BCL2: variants seen among roughly 807,000 people sequenced by gnomAD.
The protein encoded by BCL2 is apoptosis regulator Bcl-2.
BCL2 carries 1 observed loss-of-function variant against 14.2 expected under a neutral mutation model. The ratio of observed to expected loss-of-function variants is 0.07; its 90% confidence interval spans 0.02 to 0.33. BCL2 has a LOEUF of 0.33. Among genes scored for constraint, BCL2 ranks in the 10% least tolerant of loss-of-function variants. The pLI, the probability that BCL2 is intolerant of heterozygous loss-of-function variation, is 0.99. For missense variants in BCL2, 247 were observed against 305.9 expected (o/e 0.81, Z 1.44); for synonymous variants, 151 against 137.2 (o/e 1.10, Z -0.70).
intron 2 of BCL2, among the ~76,000 whole-genome samples, chr18:63,143,995 A>G (rs1418381475): frequency 6.6e-6 from 1 of 152,216 alleles, no homozygotes; most frequent in African/African-American, 2.4e-5. Flanking sequence ...GATGACTCAG[A>G]GATATGCACA....
chr18:63,226,430 G>C (rs1421271749), intron 2 of BCL2, among the ~76,000 whole-genome samples: 1 of 152,128 alleles, frequency 6.6e-6, no homozygotes, highest in African/African-American at 2.4e-5. Context: ...CCTGTCTCCT[G>C]TCCCTATCAG....
chr18:63,146,210 G>A (rs1252656827), intron 2 of BCL2, among the ~76,000 whole-genome samples: 1 of 152,208 alleles, frequency 6.6e-6, no homozygotes, highest in East Asian at 1.9e-4. Context: ...TTTCCTGGAA[G>A]ACACTAATTC....
At chr18:63,302,675 T>C (rs952413443) in intron 2 of BCL2, 1 of 984,774 alleles carries the variant, frequency 1.0e-6, no homozygotes, top group Non-Finnish European at 1.2e-6. Context: ...ATATGTTTCA[T>C]AACACAAGAG....
intron 2 of BCL2, among the ~76,000 whole-genome samples, chr18:63,254,678 A>G (rs1490691039): frequency 6.6e-6 from 1 of 152,224 alleles, no homozygotes; most frequent in Non-Finnish European, 1.5e-5. Context: ...TGTGTTATAA[A>G]TTAATACACG....
At chr18:63,239,140 T>C (rs1391224643) in intron 2 of BCL2, among the ~76,000 whole-genome samples, 3 of 152,252 alleles carry the variant, frequency 2.0e-5, no homozygotes, top group South Asian at 2.1e-4. Flanking sequence ...CCAAATATTA[T>C]GCTTTCGGCT....
chr18:63,218,701 A>C, intron 2 of BCL2, among the ~76,000 whole-genome samples: 2 of 6,252 alleles, frequency 3.2e-4, no homozygotes, highest in Non-Finnish European at 3.1e-4. Context: ...CCCATTCTCC[A>C]CTCATCCCCA....
intron 2 of BCL2, among the ~76,000 whole-genome samples, chr18:63,221,131 C>T (rs1268846899): frequency 1.3e-5 from 2 of 152,204 alleles, no homozygotes; most frequent in Non-Finnish European, 2.9e-5. Flanking sequence ...TTTCCACTAA[C>T]TGGCCACGTG....
Position 63,155,891 on chromosome 18 carries a change from G to A in BCL2, c.586-27132C>T, listed in dbSNP as rs567570804. Among the ~76,000 whole-genome samples the A allele has an allele frequency of 1.5e-4, 23 of 152,204 alleles. No homozygotes were observed. In the South Asian group the frequency reaches 4.8e-3, roughly 32 times the overall value. On this transcript the variant is annotated intron_variant, in intron 2 of 2. Transcript: ENST00000333681. Reference sequence around the variant, plus strand: ...ACTCATGTTCTCCTTGGAGGTTAGAGGCCCATCCTCCCTCTCCCAGGACCC... The same window carrying A: ...ACTCATGTTCTCCTTGGAGGTTAGAAGCCCATCCTCCCTCTCCCAGGACCC...
intron 2 of BCL2, among the ~76,000 whole-genome samples, chr18:63,207,290 T>C (rs1909863915): frequency 6.6e-6 from 1 of 152,166 alleles, no homozygotes; most frequent in Non-Finnish European, 1.5e-5. Context: ...AATTCATTTG[T>C]GTACAGATCC....
rs2144579369 is a variant in BCL2, at chr18:63,123,731, A to C, written c.*4894T>G. On this transcript the variant is annotated 3_prime_UTR_variant, in exon 3 of 3. Transcript: ENST00000333681. The stretch of plus-strand genomic sequence containing the variant: ...GAAAACTTAAGAAGGTATAATAAAC[A>C]AAACCACCAAAAGAAAGCTTCCCCA... The C allele has an allele frequency of 4.6e-6, 1 of 216,012 alleles. No individual in the cohort carries two copies. The highest frequency in any genetic ancestry group is 6.8e-5 in the East Asian group (1 of 14,636). The allele number at this position is 216,012 out of a possible 1,614,324, so 13.4% of individuals were successfully genotyped here.
chr18:63,153,792 C>A (rs1184163465), intron 2 of BCL2, among the ~76,000 whole-genome samples: 4 of 152,186 alleles, frequency 2.6e-5, no homozygotes, highest in African/African-American at 9.7e-5. Context: ...GAATTCTCTA[C>A]ACAGACCTGG....
At chr18:63,251,513 C>T (rs4987749) in intron 2 of BCL2, among the ~76,000 whole-genome samples, 16,702 of 150,390 alleles carry the variant, frequency 0.11, 1,514 homozygotes, top group African/African-American at 0.24. Context: ...GGCGTGGTGG[C>T]GGGCGCCTGT....
intron 2 of BCL2, among the ~76,000 whole-genome samples, chr18:63,136,583 GA>G (rs538712829): frequency 1.3e-5 from 2 of 152,190 alleles, no homozygotes; most frequent in Admixed American, 6.5e-5. Flanking sequence ...GGAAGGGAGA[GA>G]AAAAAAGGAA....
intron 2 of BCL2, among the ~76,000 whole-genome samples, chr18:63,179,765 C>T (rs752311789): frequency 7.2e-5 from 11 of 152,142 alleles, no homozygotes; most frequent in African/African-American, 1.4e-4. Context: ...CTCATTCCTA[C>T]GGTGGGGATG....
At chr18:63,206,808 G>A (rs544720523) in intron 2 of BCL2, among the ~76,000 whole-genome samples, 2 of 152,254 alleles carry the variant, frequency 1.3e-5, no homozygotes, top group South Asian at 2.1e-4. Context: ...GCAGGGGCAC[G>A]GCCTTGGGAC....
chr18:63,231,813 G>A (rs147545030), intron 2 of BCL2, among the ~76,000 whole-genome samples: 1 of 152,014 alleles, frequency 6.6e-6, no homozygotes, highest in Non-Finnish European at 1.5e-5. Context: ...ATCCCAGAAA[G>A]GTTTTCTTCA....
At chr18:63,280,186 T>C (rs943558823) in intron 2 of BCL2, among the ~76,000 whole-genome samples, 5 of 152,218 alleles carry the variant, frequency 3.3e-5, no homozygotes, top group African/African-American at 1.2e-4. Flanking sequence ...CCAAACTGCA[T>C]GAGATCATAG....
intron 2 of BCL2, among the ~76,000 whole-genome samples, chr18:63,251,508 G>A (rs1450556742): frequency 2.0e-5 from 3 of 151,424 alleles, no homozygotes; most frequent in Non-Finnish European, 4.4e-5. Context: ...AGCCAGGCGT[G>A]GTGGCGGGCG....
At chr18:63,236,413 G>T (rs1160869235) in intron 2 of BCL2, among the ~76,000 whole-genome samples, 1 of 128,662 alleles carries the variant, frequency 7.8e-6, no homozygotes, top group Non-Finnish European at 1.7e-5. Context: ...CTGACAGAGT[G>T]GGCTCGTGGT....
Sources: allele counts gnomAD v4.1 joint callset (sites outside exome capture counted in the v4.1 genomes callset), GRCh38; gene constraint gnomAD v4.1.1; transcripts MANE v1.5; gene names NCBI Gene and HGNC (gene_info 2026-07-23, HGNC 2026-07-21).